The following GPATCH2L variants were observed in gnomAD, a reference collection of about 807,000 sequenced individuals.
The protein encoded by GPATCH2L is G patch domain-containing protein 2-like.
In GPATCH2L, 31 loss-of-function variants were observed where a neutral mutation model predicts 57.4. That is an observed-to-expected ratio of 0.54 (90% CI 0.41 to 0.73). The LOEUF (loss-of-function observed/expected upper bound fraction) is 0.73. GPATCH2L is among the 30% of genes least tolerant of loss of function. The pLI, the probability that GPATCH2L is intolerant of heterozygous loss-of-function variation, is 0.00. For missense variants in GPATCH2L, 481 were observed against 599.9 expected, an observed-to-expected ratio of 0.80 and a Z score of 2.07; for synonymous variants, 199 against 210.7, an observed-to-expected ratio of 0.94 and a Z score of 0.48.
Position 76,203,432 on chromosome 14 carries a change from T to C in GPATCH2L, c.*1581T>C, listed in dbSNP as rs1404104661. 1 of 152,382 alleles carries C rather than the reference T, an allele frequency of 6.6e-6. No homozygotes were observed. Among genetic ancestry groups the C allele is most frequent in the Non-Finnish European group, 1.5e-5 (1 of 68,086 alleles). 9.4% of individuals were successfully genotyped at this position (152,382 alleles called of 1,614,324 possible). A position where few individuals can be genotyped will look rare whatever the true frequency, so the allele number is the denominator to read the frequency against. On this transcript the variant is annotated 3_prime_UTR_variant, in exon 10 of 10. Coordinates refer to ENST00000261530, the MANE Select transcript of GPATCH2L (RefSeq NM_017926.4). ...GTCGCCTCTGGTTCTCACGCAGCAG[T>C]GTGTGTGTGCTCACAGGGATGTTCC...
chr14:76,177,332 C>T (rs1301631418), intron 6 of GPATCH2L, among the ~76,000 whole-genome samples: 2 of 152,152 alleles, frequency 1.3e-5, no homozygotes, highest in African/African-American at 4.8e-5. Flanking sequence ...AGGTGTGAGC[C>T]GCTGCGCCCA....
chr14:76,173,463 G>T (rs902204314), intron 4 of GPATCH2L, 83 bp from the exon 5 acceptor site: 2 of 800,350 alleles, frequency 2.5e-6, no homozygotes, highest in African/African-American at 3.4e-5. Context: ...GATCCTGGGG[G>T]TAAAGCCTTC....
intron 9 of GPATCH2L, among the ~76,000 whole-genome samples, chr14:76,198,594 T>C (rs2040226426): frequency 6.6e-6 from 1 of 152,230 alleles, no homozygotes. Context: ...ATATTTTAGC[T>C]ATCCCAAAAA....
intron 2 of GPATCH2L, among the ~76,000 whole-genome samples, chr14:76,163,258 G>T (rs910141805): frequency 2.6e-4 from 40 of 152,044 alleles, no homozygotes; most frequent in African/African-American, 8.9e-4. Context: ...GGAGTTTGGG[G>T]GTAGAAGCAG....
chr14:76,176,660 G>A lies in GPATCH2L; in HGVS notation c.1022G>A (p.Ser341Asn), dbSNP rs1285790285. The change falls in exon 6 of 10, where the codon AGC becomes AAC. Residue 341 changes from serine (S) to asparagine (N), a missense_variant. Physicochemically the swap from Ser to Asn is conservative, Grantham distance 46. Transcript: ENST00000261530. ...SINTLGTERISHIISDPRQKE... is the reference protein window; with the variant it reads ...SINTLGTERINHIISDPRQKE... ...AACACTTTGGGGACTGAGAGGATAA[G>A]CCATATCATTAGTGACCCTCGGCAG... 1.2e-6 allele frequency: 2 copies of A among 1,611,396 alleles called. No homozygotes were observed. The highest frequency in any genetic ancestry group is 1.7e-5 in the Admixed American group (1 of 60,000).
chr14:76,191,944 C>T (rs2039982250), intron 8 of GPATCH2L, among the ~76,000 whole-genome samples: 1 of 151,982 alleles, frequency 6.6e-6, no homozygotes, highest in African/African-American at 2.4e-5. Context: ...CTTCCTTCCC[C>T]TACCCCAGCC....
At chr14:76,192,718 TGAAA>T (rs1041040416) in intron 8 of GPATCH2L, among the ~76,000 whole-genome samples, 9 of 152,184 alleles carry the variant, frequency 5.9e-5, no homozygotes, top group African/African-American at 2.2e-4. Flanking sequence ...TAGTGAACAA[TGAAA>T]GAAGCAACAA....
At chr14:76,232,828 C>A (rs945392707) in intron 2 of GPATCH2L, among the ~76,000 whole-genome samples, 2 of 152,334 alleles carry the variant, frequency 1.3e-5, no homozygotes, top group South Asian at 2.1e-4. Context: ...GAAGCTCACT[C>A]GAGCCTTGGC....
At chr14:76,182,482 A>G (rs1335000246) in intron 8 of GPATCH2L, among the ~76,000 whole-genome samples, 2 of 138,444 alleles carry the variant, frequency 1.4e-5, no homozygotes, top group African/African-American at 5.3e-5. Flanking sequence ...GCTACTTGGG[A>G]GGCTGAGGTG....
intron 1 of GPATCH2L, among the ~76,000 whole-genome samples, chr14:76,227,191 G>A (rs942795047): frequency 6.6e-6 from 1 of 152,172 alleles, no homozygotes; most frequent in African/African-American, 2.4e-5. Context: ...TATTCTCCAC[G>A]TTGTTTGAAA....
At chr14:76,155,289 T>C (rs928871028) in intron 2 of GPATCH2L, among the ~76,000 whole-genome samples, 2 of 152,250 alleles carry the variant, frequency 1.3e-5, no homozygotes, top group Non-Finnish European at 2.9e-5. Flanking sequence ...AAACTAATAA[T>C]TTTATTTTAA....
At chr14:76,184,026 GT>G (rs370072489) in intron 8 of GPATCH2L, among the ~76,000 whole-genome samples, 15,932 of 146,170 alleles carry the variant, frequency 0.11, 996 homozygotes, top group Non-Finnish European at 0.12. Context: ...TTAGCATGGT[GT>G]GTGTGTGTGT....
At position 76,209,983 on chromosome 14, in the gene GPATCH2L, C is replaced by T. The variant is rs1300501558; in HGVS notation, c.*8132C>T. ...TAAGAATAACAAAGGTCCACCAGAA[C>T]CATTGCCCCAGTCACTGATTGAACA... is the stretch of plus-strand genomic sequence containing the variant. On this transcript the variant is annotated 3_prime_UTR_variant, in exon 10 of 10. Transcript: ENST00000261530. The T allele has an allele frequency of 6.6e-6, 1 of 152,210 alleles. No individual in the cohort carries two copies. The highest frequency in any genetic ancestry group is 2.4e-5 in the African/African-American group (1 of 41,444). The allele number at this position is 152,210 out of a possible 1,614,324, so 9.4% of individuals were successfully genotyped here. A position where few individuals can be genotyped will look rare whatever the true frequency, so the allele number is the denominator to read the frequency against.
chr14:76,176,407 G>C, intron 5 of GPATCH2L: 1 of 563,410 alleles, frequency 1.8e-6, no homozygotes. Context: ...AAGACTTTTG[G>C]ATCACTGGAG....
chr14:76,160,790 T>C (rs2038546330), intron 2 of GPATCH2L, among the ~76,000 whole-genome samples: 1 of 152,190 alleles, frequency 6.6e-6, no homozygotes, highest in Non-Finnish European at 1.5e-5. Context: ...GAGAAGACGT[T>C]CCATCTACCT....
intron 2 of GPATCH2L, among the ~76,000 whole-genome samples, chr14:76,235,098 G>A (rs1296124282): frequency 6.6e-6 from 1 of 151,588 alleles, no homozygotes; most frequent in Non-Finnish European, 1.5e-5. Context: ...AACCCAGGAG[G>A]CGGAGGTTGC....
At chr14:76,173,404 A>T in intron 4 of GPATCH2L, 142 bp from the exon 5 acceptor site, 1 of 577,406 alleles carries the variant, frequency 1.7e-6, no homozygotes, top group Non-Finnish European at 3.1e-6. Flanking sequence ...GGAATAATAA[A>T]TCCTTGGCAA....
At position 76,212,888 on chromosome 14, in the gene GPATCH2L, G is replaced by GT. The variant is rs1021951719; in HGVS notation, c.*11042dup. ...ACACTGCTCATCTGCAATCCAAAATGTTTTTAAGCTCTTCAACTATTCTTG... is the reference window on the plus strand; with the variant it reads ...ACACTGCTCATCTGCAATCCAAAATGTTTTTTAAGCTCTTCAACTATTCTTG... On this transcript the variant is annotated 3_prime_UTR_variant, in exon 10 of 10. Transcript: ENST00000261530. The GT allele has an allele frequency of 6.6e-5, 10 of 152,046 alleles. No homozygotes were observed. The highest frequency in any genetic ancestry group is 2.4e-4 in the African/African-American group (10 of 41,420). 9.4% of individuals were successfully genotyped at this position (152,046 alleles called of 1,614,324 possible).
At chr14:76,177,832 G>A in intron 6 of GPATCH2L, 156 bp from the exon 7 acceptor site, 3 of 1,028,684 alleles carry the variant, frequency 2.9e-6, no homozygotes, top group South Asian at 2.7e-5. Flanking sequence ...TCTCCCTTCT[G>A]TAATTTTCCT....
Sources: allele counts gnomAD v4.1 joint callset (sites outside exome capture counted in the v4.1 genomes callset), GRCh38; gene constraint gnomAD v4.1.1; transcripts MANE v1.5; gene names NCBI Gene and HGNC (gene_info 2026-07-23, HGNC 2026-07-21).